USP15: variants seen among roughly 807,000 people sequenced by gnomAD.
The protein encoded by USP15 is ubiquitin carboxyl-terminal hydrolase 15.
In USP15, 18 loss-of-function variants were observed where a neutral mutation model predicts 127.1. The observed-to-expected ratio is 0.14, with a 90% CI of 0.10 to 0.21. USP15 has a LOEUF of 0.21. USP15 is among the 10% of genes least tolerant of loss of function. The pLI is 1.00. For synonymous variants in USP15, 364 were observed against 393.7 expected (o/e 0.92, Z 0.89); for missense variants, 805 against 1,159.9 (o/e 0.69, Z 4.44).
At chr12:62,402,258 A>G (rs917392196) in intron 21 of USP15, among the ~76,000 whole-genome samples, 10 of 151,976 alleles carry the variant, frequency 6.6e-5, no homozygotes, top group African/African-American at 2.4e-4. Flanking sequence ...AGAGAGAGAG[A>G]GATACACAAA....
intron 6 of USP15, chr12:62,328,392 A>G (rs919170328): frequency 5.1e-6 from 2 of 391,276 alleles, no homozygotes; most frequent in Middle Eastern, 3.6e-4. Context: ...CTGTGTTCCA[A>G]TAAAGCTTTC....
chr12:62,260,896 G>C (rs917938007), intron 1 of USP15, among the ~76,000 whole-genome samples: 4 of 152,062 alleles, frequency 2.6e-5, no homozygotes, highest in Non-Finnish European at 4.4e-5. Flanking sequence ...CGATCTCACC[G>C]GCTTTACTTC....
chr12:62,342,153 G>C (rs959178763), intron 6 of USP15, among the ~76,000 whole-genome samples: 33 of 151,698 alleles, frequency 2.2e-4, no homozygotes, highest in African/African-American at 5.3e-4. Context: ...CCTTATTTCA[G>C]CAAGGTGATC....
chr12:62,300,258 C>G (rs868172167), intron 2 of USP15, among the ~76,000 whole-genome samples: 3 of 151,970 alleles, frequency 2.0e-5, no homozygotes, highest in Non-Finnish European at 2.9e-5. Context: ...CTTACATTTT[C>G]TTTTACGAGT....
Position 62,414,965 on chromosome 12 carries a change from A to G in USP15, c.*10590A>G, listed in dbSNP as rs1225585227. On this transcript the variant is annotated 3_prime_UTR_variant, in exon 22 of 22. Coordinates refer to ENST00000280377, the MANE Select transcript of USP15 (RefSeq NM_001252078.2). ...ATAGCTCTCTCCCTCATATATACAC[A>G]TATCATGTATATACATATATATCAT... The G allele has an allele frequency of 6.6e-6, 1 of 151,268 alleles. No individual in the cohort carries two copies. Among genetic ancestry groups the G allele is most frequent in the Admixed American group, 6.6e-5 (1 of 15,156 alleles). The allele number at this position is 151,268 out of a possible 1,614,324, so 9.4% of individuals were successfully genotyped here.
chr12:62,288,822 C>T (rs1042391463), intron 1 of USP15, among the ~76,000 whole-genome samples: 1 of 152,072 alleles, frequency 6.6e-6, no homozygotes, highest in Non-Finnish European at 1.5e-5. Context: ...TTACCAGATG[C>T]TGTTTTTGCG....
At chr12:62,335,719 T>G in intron 6 of USP15, 2 of 985,614 alleles carry the variant, frequency 2.0e-6, no homozygotes, top group Non-Finnish European at 2.4e-6. Flanking sequence ...CTTTTTTTTC[T>G]TTGACAGCCA....
At chr12:62,294,617 C>G (rs772200699) in intron 2 of USP15, 18 of 181,568 alleles carry the variant, frequency 9.9e-5, no homozygotes, top group Non-Finnish European at 1.9e-4. Flanking sequence ...TTATTTATTA[C>G]TAAATAATAA....
At chr12:62,368,533 T>C (rs543253645) in intron 8 of USP15, among the ~76,000 whole-genome samples, 10 of 152,358 alleles carry the variant, frequency 6.6e-5, no homozygotes, top group African/African-American at 1.9e-4. Context: ...TTAGTTCTTC[T>C]TGATGCATTG....
chr12:62,382,688 A>G (rs1207048740), intron 9 of USP15, among the ~76,000 whole-genome samples: 1 of 152,014 alleles, frequency 6.6e-6, no homozygotes, highest in African/African-American at 2.4e-5. Context: ...TCATCCAAAA[A>G]CAAAAATACT....
rs2068090409 is a variant in USP15 at position 62,413,732 on chromosome 12, C to G, written c.*9357C>G. 1.3e-5 allele frequency: 2 copies of G among 151,808 alleles called. No homozygotes were observed. The highest frequency in any genetic ancestry group is 2.9e-5 in the Non-Finnish European group (2 of 67,976). 9.4% of individuals were successfully genotyped at this position (151,808 alleles called of 1,614,324 possible). On this transcript the variant is annotated 3_prime_UTR_variant, in exon 22 of 22. Coordinates refer to ENST00000280377, the MANE Select transcript of USP15 (RefSeq NM_001252078.2). ...TTGATCTATTAAAAAAAAAAAAACT[C>G]AGGCTTTCTCTATACCACTTTTCTT...
intron 1 of USP15, among the ~76,000 whole-genome samples, chr12:62,283,902 A>G (rs2063722515): frequency 6.6e-6 from 1 of 152,198 alleles, no homozygotes; most frequent in Non-Finnish European, 1.5e-5. Context: ...AGATCGTGCC[A>G]CCACACTCCA....
chr12:62,349,364 A>G (rs1327374250), intron 7 of USP15, 57 bp downstream of exon 7: 5 of 1,149,620 alleles, frequency 4.3e-6, no homozygotes, highest in Non-Finnish European at 5.7e-6. Context: ...TATGGTTGCA[A>G]AAAATCTCTT....
chr12:62,394,524 A>C (rs1274009103), intron 19 of USP15, among the ~76,000 whole-genome samples: 1 of 152,198 alleles, frequency 6.6e-6, no homozygotes, highest in African/African-American at 2.4e-5. Context: ...ATAAGTTTTC[A>C]AGAATATAGC....
intron 3 of USP15, among the ~76,000 whole-genome samples, chr12:62,313,001 GACA>G (rs1368875719): frequency 6.6e-6 from 1 of 151,364 alleles, no homozygotes; most frequent in Non-Finnish European, 1.5e-5. Flanking sequence ...AAAATAGTTT[GACA>G]ACAAACTCAT....
chr12:62,272,462 CA>C (rs559461403), intron 1 of USP15, among the ~76,000 whole-genome samples: 4 of 151,932 alleles, frequency 2.6e-5, no homozygotes, highest in African/African-American at 9.7e-5. Context: ...TCAATAACAA[CA>C]AAAAAACTGC....
intron 3 of USP15, among the ~76,000 whole-genome samples, chr12:62,310,394 C>T (rs2064631319): frequency 1.3e-5 from 2 of 151,864 alleles, no homozygotes; most frequent in African/African-American, 4.8e-5. Flanking sequence ...CCTTCCTTAT[C>T]CTTCCCAGTG....
intron 1 of USP15, among the ~76,000 whole-genome samples, chr12:62,290,313 A>G (rs1288949544): frequency 1.3e-5 from 2 of 152,154 alleles, no homozygotes; most frequent in African/African-American, 2.4e-5. Flanking sequence ...TGTTGGGTAC[A>G]TATATATTTA....
At chr12:62,331,869 C>A (rs1189866371) in intron 6 of USP15, among the ~76,000 whole-genome samples, 1 of 152,136 alleles carries the variant, frequency 6.6e-6, no homozygotes, top group African/African-American at 2.4e-5. Flanking sequence ...AAAATACTCA[C>A]TCAAAAGTCT....
Sources: gnomAD v4.1 joint callset for allele counts (sites outside exome capture counted in the v4.1 genomes callset) on GRCh38, gnomAD v4.1.1 for gene constraint, MANE v1.5 for transcripts, NCBI Gene and HGNC (gene_info 2026-07-23, HGNC 2026-07-21) for gene names.